The following GRIA1 variants were observed in gnomAD, a reference collection of about 807,000 sequenced individuals.
GRIA1 encodes glutamate receptor 1.
In GRIA1, 31 loss-of-function variants were observed where a neutral mutation model predicts 99.2. The ratio of observed to expected loss-of-function variants is 0.31; its 90% CI spans 0.23 to 0.42. The LOEUF (loss-of-function observed/expected upper bound fraction) is 0.42, where lower values mean the gene tolerates loss of function less well. Ranked by LOEUF, GRIA1 falls within the 10% of genes least tolerant of loss-of-function variation. The pLI is 1.00. For synonymous variants in GRIA1, 438 were observed against 432.4 expected (o/e 1.01, Z -0.16); for missense variants, 782 against 1,157.5 (o/e 0.68, Z 4.71).
intron 2 of GRIA1, among the ~76,000 whole-genome samples, chr5:153,517,418 G>A (rs1195263556): frequency 6.6e-6 from 1 of 152,082 alleles, no homozygotes; most frequent in African/African-American, 2.4e-5. Flanking sequence ...CACTAGTGCT[G>A]GTAAGCACAG....
chr5:153,537,767 C>T (rs534140446), intron 2 of GRIA1, among the ~76,000 whole-genome samples: 18 of 152,074 alleles, frequency 1.2e-4, no homozygotes, highest in Non-Finnish European at 2.5e-4. Context: ...GGTGCTGCTG[C>T]TATGAAGCAA....
At chr5:153,696,718 G>A (rs781420093) in intron 8 of GRIA1, among the ~76,000 whole-genome samples, 53 of 152,322 alleles carry the variant, frequency 3.5e-4, no homozygotes, top group Admixed American at 5.2e-4. Flanking sequence ...CAATGCATAT[G>A]CACTTCTAGT....
intron 15 of GRIA1, among the ~76,000 whole-genome samples, chr5:153,807,906 T>C (rs1376219866): frequency 6.6e-6 from 1 of 152,118 alleles, no homozygotes; most frequent in Non-Finnish European, 1.5e-5. Context: ...CTTTCAAAAT[T>C]ATATACGGCT....
intron 13 of GRIA1, among the ~76,000 whole-genome samples, chr5:153,771,251 T>C (rs1431998787): frequency 1.3e-5 from 2 of 152,172 alleles, no homozygotes; most frequent in Non-Finnish European, 2.9e-5. Context: ...CAGTACACTG[T>C]GAAGTCACCT....
intron 2 of GRIA1, among the ~76,000 whole-genome samples, chr5:153,510,725 A>G (rs1581152246): frequency 6.6e-6 from 1 of 152,330 alleles, no homozygotes; most frequent in South Asian, 2.1e-4. Context: ...GTTTATAAGC[A>G]AATAAAGGAT....
In GRIA1 at chr5:153,705,969, C is replaced by A. The variant is rs767801487; in HGVS notation, c.1725C>A (p.Asp575Glu). 1.2e-6 allele frequency: 2 copies of A among 1,613,912 alleles called. No homozygotes were observed. The highest frequency in any genetic ancestry group is 8.5e-7 in the Non-Finnish European group (1 of 1,179,946). ...GTGAAGAGTTTGAGGAAGGACGGGA[C>A]CAGACAACCAGTGACCAGTCCAATG... is the stretch of plus-strand genomic sequence containing the variant. Reference protein sequence around the residue: ...WHSEEFEEGRDQTTSDQSNEF... With the variant: ...WHSEEFEEGREQTTSDQSNEF... Residue 575 changes from aspartate (D) to glutamate (E), a missense_variant, in exon 11 of 16, where the codon GAC becomes GAA. Physicochemically the swap from Asp to Glu is conservative, Grantham distance 45. Coordinates refer to ENST00000285900, the MANE Select transcript of GRIA1 (RefSeq NM_000827.4).
intron 2 of GRIA1, among the ~76,000 whole-genome samples, chr5:153,613,989 C>T (rs936395114): frequency 4.6e-5 from 7 of 152,184 alleles, no homozygotes; most frequent in Non-Finnish European, 7.3e-5. Context: ...ACGCTGTAGC[C>T]ACACAGGCCT....
intron 11 of GRIA1, among the ~76,000 whole-genome samples, chr5:153,741,932 TTTA>T (rs1385738235): frequency 1.1e-5 from 1 of 90,484 alleles, no homozygotes; most frequent in Admixed American, 1.1e-4. Flanking sequence ...TAAAGCTTTT[TTTA>T]AAAAAAAAAA....
chr5:153,811,358 C>T lies in GRIA1; in HGVS notation c.*133C>T. On this transcript the variant is annotated 3_prime_UTR_variant, in exon 16 of 16. Coordinates refer to ENST00000285900, the MANE Select transcript of GRIA1 (RefSeq NM_000827.4). ...CACTGCGACCACAAGAAGGATGATTCAACAGGTTTTCCTGAAGAATTGAAA... is the reference window on the plus strand; with the variant it reads ...CACTGCGACCACAAGAAGGATGATTTAACAGGTTTTCCTGAAGAATTGAAA... 1.5e-6 allele frequency: 1 copy of T among 651,270 alleles called. No individual in the cohort carries two copies. The highest frequency in any genetic ancestry group is 1.8e-5 in the South Asian group (1 of 54,606). 40.3% of individuals were successfully genotyped at this position (651,270 alleles called of 1,614,324 possible). A position where few individuals can be genotyped will look rare whatever the true frequency, so the allele number is the denominator to read the frequency against.
intron 11 of GRIA1, among the ~76,000 whole-genome samples, chr5:153,714,595 G>A (rs1759537786): frequency 6.6e-6 from 1 of 152,126 alleles, no homozygotes; most frequent in African/African-American, 2.4e-5. Context: ...AACCCTCACT[G>A]GATATATGGC....
intron 13 of GRIA1, among the ~76,000 whole-genome samples, chr5:153,781,903 A>G (rs1475487654): frequency 1.3e-5 from 2 of 152,208 alleles, no homozygotes; most frequent in African/African-American, 2.4e-5. Flanking sequence ...AAGATTCATC[A>G]TCTAGAGCAG....
chr5:153,526,289 T>G (rs1581175995), intron 2 of GRIA1, among the ~76,000 whole-genome samples: 3 of 152,340 alleles, frequency 2.0e-5, no homozygotes, highest in African/African-American at 7.2e-5. Context: ...CACTTAGGAA[T>G]CACTGCATTA....
chr5:153,605,450 G>C (rs940581979), intron 2 of GRIA1, among the ~76,000 whole-genome samples: 3 of 152,154 alleles, frequency 2.0e-5, no homozygotes, highest in Non-Finnish European at 4.4e-5. Flanking sequence ...TGAATAATGA[G>C]TCTATAAATA....
chr5:153,638,562 T>C (rs1753557649), intron 2 of GRIA1, among the ~76,000 whole-genome samples: 1 of 152,224 alleles, frequency 6.6e-6, no homozygotes, highest in Admixed American at 6.5e-5. Context: ...AAGGCTAATC[T>C]TGAACTGTGT....
intron 2 of GRIA1, among the ~76,000 whole-genome samples, chr5:153,618,698 C>G (rs983388589): frequency 1.3e-5 from 2 of 152,118 alleles, no homozygotes; most frequent in Non-Finnish European, 2.9e-5. Context: ...TGATTATTAA[C>G]TAGGAACCAG....
chr5:153,578,148 C>CAAAAAAAAAAAAAAAAAAAAAAAAAAAA (rs60901793), intron 2 of GRIA1, among the ~76,000 whole-genome samples: 16 of 69,314 alleles, frequency 2.3e-4, no homozygotes, highest in Non-Finnish European at 3.5e-4. Flanking sequence ...GAGACTCTGT[C>CAAAAAAAAAAAAAAAAAAAAAAAAAAAA]AAAAAAAAAA....
chr5:153,540,246 C>A (rs1178504365), intron 2 of GRIA1, among the ~76,000 whole-genome samples: 1 of 152,176 alleles, frequency 6.6e-6, no homozygotes, highest in Admixed American at 6.5e-5. Flanking sequence ...AGATCTCTTG[C>A]AAAGTCAGCT....
intron 13 of GRIA1, among the ~76,000 whole-genome samples, chr5:153,781,679 A>G (rs1045574705): frequency 5.9e-5 from 9 of 151,960 alleles, no homozygotes; most frequent in African/African-American, 2.2e-4. Context: ...TACTAGTCCT[A>G]CTATATAGAC....
intron 2 of GRIA1, among the ~76,000 whole-genome samples, chr5:153,495,146 A>G (rs1754288783): frequency 6.6e-6 from 1 of 152,242 alleles, no homozygotes; most frequent in Non-Finnish European, 1.5e-5. Flanking sequence ...ACAAATTCCA[A>G]GAACTATAAT....
Sources: gnomAD v4.1 joint callset for allele counts (sites outside exome capture counted in the v4.1 genomes callset) on GRCh38, gnomAD v4.1.1 for gene constraint, MANE v1.5 for transcripts, NCBI Gene and HGNC (gene_info 2026-07-23, HGNC 2026-07-21) for gene names.